The following IQSEC1 variants were observed in gnomAD, a reference collection of about 807,000 sequenced individuals.
IQSEC1 encodes the protein IQ motif and SEC7 domain-containing protein 1.
Under a neutral mutation model 91.0 loss-of-function variants are expected in IQSEC1, and 31 were observed. The ratio of observed to expected loss-of-function variants is 0.34; its 90% CI spans 0.26 to 0.46. The LOEUF is 0.46. IQSEC1 is among the 20% of genes least tolerant of loss of function. The pLI is 1.00. For synonymous variants in IQSEC1, 699 were observed against 662.6 expected (o/e 1.05, Z -0.84); for missense variants, 1,388 against 1,575.6 (o/e 0.88, Z 2.02).
rs531265362 is a variant in IQSEC1, at chr3:13,244,837, G to A, written c.272+37874C>T. 2.0e-5 allele frequency among the ~76,000 whole-genome samples: 3 copies of A among 152,264 alleles called. No homozygotes were observed. In the East Asian group the frequency reaches 5.8e-4, roughly 29 times the overall value. On this transcript the variant is annotated intron_variant, in intron 1 of 15. Transcript: ENST00000648114. Reference sequence around the variant, plus strand: ...AAGCCTGTAACTCTCAAACAACACAGCACAATGACAGGCACCGTGGCACCA... The same window carrying A: ...AAGCCTGTAACTCTCAAACAACACAACACAATGACAGGCACCGTGGCACCA...
At chr3:13,101,500 C>CG (rs1706063283) in intron 2 of IQSEC1, among the ~76,000 whole-genome samples, 1 of 151,388 alleles carries the variant, frequency 6.6e-6, no homozygotes, top group Admixed American at 6.6e-5. Context: ...GGGAAGGCCC[C>CG]GGGAAGATGA....
intron 6 of IQSEC1, among the ~76,000 whole-genome samples, chr3:12,920,077 C>T (rs116126048): frequency 0.027 from 4,085 of 152,302 alleles, 197 homozygotes; most frequent in African/African-American, 0.091. Flanking sequence ...TTTACAGTAG[C>T]GATATCAAGT....
At chr3:13,079,674 C>T (rs1308881216) in intron 2 of IQSEC1, among the ~76,000 whole-genome samples, 2 of 152,196 alleles carry the variant, frequency 1.3e-5, no homozygotes, top group African/African-American at 4.8e-5. Context: ...TCACCGGAGC[C>T]CTGGGCCAGC....
At chr3:12,964,414 C>T (rs748120750) in intron 1 of IQSEC1, among the ~76,000 whole-genome samples, 50 of 152,028 alleles carry the variant, frequency 3.3e-4, no homozygotes, top group African/African-American at 5.1e-4. Flanking sequence ...GCTTACTGGG[C>T]GGATATTCCA....
At chr3:13,225,616 A>T (rs2125081255) in intron 1 of IQSEC1, among the ~76,000 whole-genome samples, 1 of 152,330 alleles carries the variant, frequency 6.6e-6, no homozygotes, top group African/African-American at 2.4e-5. Context: ...GCTGGGAGAG[A>T]TGAAGAAAAT....
At chr3:13,237,392 C>T (rs1002997714) in intron 1 of IQSEC1, among the ~76,000 whole-genome samples, 5 of 152,216 alleles carry the variant, frequency 3.3e-5, no homozygotes, top group African/African-American at 1.2e-4. Flanking sequence ...CCACCATGGT[C>T]TCAGGACACA....
intron 1 of IQSEC1, among the ~76,000 whole-genome samples, chr3:13,202,445 A>AATGGG (rs1322532837): frequency 6.6e-6 from 1 of 152,238 alleles, no homozygotes; most frequent in Non-Finnish European, 1.5e-5. Flanking sequence ...TGGTGCACCC[A>AATGGG]TCCTTATAGT....
chr3:13,238,926 C>T (rs1694976239), intron 1 of IQSEC1, among the ~76,000 whole-genome samples: 1 of 152,224 alleles, frequency 6.6e-6, no homozygotes, highest in South Asian at 2.1e-4. Context: ...GAGACCAACA[C>T]CGTCATCTCC....
intron 1 of IQSEC1, among the ~76,000 whole-genome samples, chr3:13,204,650 G>C (rs1388426387): frequency 1.3e-5 from 2 of 152,190 alleles, no homozygotes; most frequent in Non-Finnish European, 2.9e-5. Flanking sequence ...CGCTGTTAAG[G>C]GCACGCAGTA....
intron 1 of IQSEC1, among the ~76,000 whole-genome samples, chr3:13,184,417 G>T (rs754329792): frequency 6.6e-6 from 1 of 152,194 alleles, no homozygotes; most frequent in African/African-American, 2.4e-5. Flanking sequence ...ACTGATTCAT[G>T]ATGAGAATTC....
At chr3:13,183,865 G>A (rs549703372) in intron 1 of IQSEC1, among the ~76,000 whole-genome samples, 1 of 152,262 alleles carries the variant, frequency 6.6e-6, no homozygotes, top group East Asian at 1.9e-4. Flanking sequence ...GACAAATAAG[G>A]AAAGAGCAAG....
Position 12,941,726 on chromosome 3 carries a change from A to G in IQSEC1, c.163T>C (p.Tyr55His), listed in dbSNP as rs1183972314. 9 of 1,612,498 alleles carry G rather than the reference A, an allele frequency of 5.6e-6. No homozygotes were observed. Among genetic ancestry groups the G allele is most frequent in the South Asian group, 1.1e-5 (1 of 91,044 alleles). The change falls in exon 2 of 14, where the codon TAC becomes CAC. Residue 55 changes from tyrosine to histidine, a missense_variant. Physicochemically the swap from Tyr to His is moderately conservative, Grantham distance 83 (BLOSUM62 2). Transcript: ENST00000613206. ...EHTSVGAYGLYSGPPGQQQRT... is the reference protein window; with the variant it reads ...EHTSVGAYGLHSGPPGQQQRT... ...TGCTGTTGCCCCGGCGGCCCCGAGT[A>G]CAGCCCATAGGCTCCCACTGACGTG...
Position 12,901,282 on chromosome 3 carries a change from G to A in IQSEC1, c.3046C>T (p.Pro1016Ser), listed in dbSNP as rs1280801940. Residue 1016 changes from proline to serine, a missense_variant, in exon 14 of 14, where the codon CCA becomes TCA. Physicochemically the swap from Pro to Ser is moderately conservative, Grantham distance 74 (BLOSUM62 -1). Coordinates refer to ENST00000613206, the MANE Select transcript of IQSEC1 (RefSeq NM_001134382.3). Reference sequence around the variant, plus strand: ...ATGGCGGCCTGCGGCAGCCCCTCTGGGGGCCCCAGGTGGTGGCCAGCCACA... The same window carrying A: ...ATGGCGGCCTGCGGCAGCCCCTCTGAGGGCCCCAGGTGGTGGCCAGCCACA... ...HSVAGHHLGP[P>S]EGLPQAAMHG... 3.2e-6 allele frequency: 5 copies of A among 1,548,416 alleles called. No individual in the cohort carries two copies. Among genetic ancestry groups the A allele is most frequent in the African/African-American group, 2.7e-5 (2 of 72,950 alleles).
At chr3:13,132,174 C>G (rs1306900934) in intron 2 of IQSEC1, among the ~76,000 whole-genome samples, 1 of 152,226 alleles carries the variant, frequency 6.6e-6, no homozygotes, top group Admixed American at 6.5e-5. Flanking sequence ...TGGAAACTAT[C>G]TGATCCTTAG....
intron 2 of IQSEC1, among the ~76,000 whole-genome samples, chr3:13,163,726 C>T (rs1693398370): frequency 6.6e-6 from 1 of 152,168 alleles, no homozygotes. Context: ...CTTAGACTTG[C>T]CCTGACCCCG....
chr3:12,972,079 A>G (rs369034784), intron 1 of IQSEC1, among the ~76,000 whole-genome samples: 2 of 142,146 alleles, frequency 1.4e-5, no homozygotes, highest in African/African-American at 5.3e-5. Flanking sequence ...GACTGGAACC[A>G]ATGCAATTTT....
rs1423775515 is a variant in IQSEC1, at chr3:13,193,401, T to A, written c.273-29268A>T. On this transcript the variant is annotated intron_variant, in intron 1 of 15. Transcript: ENST00000648114. This position sits in a 1 kb window ranked among gnomAD's most constrained non-coding sequence, Gnocchi z 4.2. Reference sequence around the variant, plus strand: ...GAGTTTTAAACTAGGAAGGTAAAGATCAGAGGTGGCTTGGAAAGAGCTCTC... The same window carrying A: ...GAGTTTTAAACTAGGAAGGTAAAGAACAGAGGTGGCTTGGAAAGAGCTCTC... Among the ~76,000 whole-genome samples, 1 of 152,150 alleles carries A rather than the reference T, an allele frequency of 6.6e-6. No individual in the cohort carries two copies. The highest frequency in any genetic ancestry group is 2.4e-5 in the African/African-American group (1 of 41,438).
At chr3:13,112,728 G>A (rs901458022) in intron 2 of IQSEC1, among the ~76,000 whole-genome samples, 8 of 152,184 alleles carry the variant, frequency 5.3e-5, no homozygotes, top group Non-Finnish European at 7.4e-5. Flanking sequence ...GTACGGGGGC[G>A]AGCAGGCCCA....
At chr3:13,131,533 C>G (rs1233236387) in intron 2 of IQSEC1, among the ~76,000 whole-genome samples, 2 of 126,488 alleles carry the variant, frequency 1.6e-5, no homozygotes, top group Admixed American at 2.0e-4. Flanking sequence ...GTCACCCAGA[C>G]TGGAGTGCAG....
Sources: allele counts gnomAD v4.1 joint callset (sites outside exome capture counted in the v4.1 genomes callset), GRCh38; gene constraint gnomAD v4.1.1; non-coding constraint Gnocchi (gnomAD v3.1); transcripts MANE v1.5; gene names NCBI Gene and HGNC (gene_info 2026-07-23, HGNC 2026-07-21).